CSMD3: variants seen among roughly 807,000 people sequenced by gnomAD.
The protein encoded by CSMD3 is CUB and Sushi multiple domains 3.
CSMD3 carries 177 observed loss-of-function variants against 435.2 expected under a neutral mutation model. That is an observed-to-expected ratio of 0.41 (90% CI 0.36 to 0.46). CSMD3 has a LOEUF of 0.46. Among genes scored for constraint, CSMD3 ranks in the 20% least tolerant of loss-of-function variants. The pLI, the probability that CSMD3 is intolerant of heterozygous loss-of-function variation, is 0.34. For synonymous variants in CSMD3, 1,656 were observed against 1,520.5 expected (o/e 1.09, Z -2.07); for missense variants, 4,265 against 4,504.6 (o/e 0.95, Z 1.52).
At chr8:112,647,393 C>A (rs571687594) in intron 19 of CSMD3, among the ~76,000 whole-genome samples, 1 of 151,992 alleles carries the variant, frequency 6.6e-6, no homozygotes, top group African/African-American at 2.4e-5. Context: ...GCTCCGCCCC[C>A]CGGGTTCACG....
intron 3 of CSMD3, among the ~76,000 whole-genome samples, chr8:113,189,275 C>T (rs2092551664): frequency 6.6e-6 from 1 of 151,874 alleles, no homozygotes; most frequent in Admixed American, 6.6e-5. Flanking sequence ...CTAATTGAAA[C>T]CAATTATGAC....
At chr8:113,255,189 A>C (rs1221701268) in intron 3 of CSMD3, among the ~76,000 whole-genome samples, 2 of 152,148 alleles carry the variant, frequency 1.3e-5, no homozygotes, top group Non-Finnish European at 2.9e-5. Flanking sequence ...TAAATATAAA[A>C]TTGGATGTTT....
intron 63 of CSMD3, 137 bp downstream of exon 63, chr8:112,254,116 G>A (rs1240581571): frequency 6.0e-6 from 4 of 670,256 alleles, no homozygotes; most frequent in African/African-American, 1.8e-5. Context: ...CTCTTTTGCT[G>A]TCTGTTACCC....
Position 112,311,154 on chromosome 8 carries a change from C to T in CSMD3, c.7709G>A (p.Ser2570Asn), listed in dbSNP as rs2130815363. Residue 2570 changes from serine to asparagine, a missense_variant, in exon 50 of 71, where the codon AGT (serine) becomes AAT (asparagine). This residue lies in a region of CSMD3 where 3,255 missense variants were observed against 3,380.2 expected (regional missense o/e 0.96). Coordinates refer to ENST00000297405, the MANE Select transcript of CSMD3 (RefSeq NM_198123.2). ...FRIRYIAFYC[S>N]TPESPPHGYI... ...TCCATGAGGTGGGGATTCTGGTGTA[C>T]TACAGTAGAAAGCTTTTCAAAAGAA... is the stretch of plus-strand genomic sequence containing the variant. 5 of 1,612,680 alleles carry T rather than the reference C, an allele frequency of 3.1e-6. No individual in the cohort carries two copies. Among genetic ancestry groups the T allele is most frequent in the Non-Finnish European group, 1.7e-6 (2 of 1,179,100 alleles).
At chr8:112,908,294 A>G (rs2082317121) in intron 10 of CSMD3, among the ~76,000 whole-genome samples, 1 of 151,494 alleles carries the variant, frequency 6.6e-6, no homozygotes, top group Non-Finnish European at 1.5e-5. Flanking sequence ...CTTTAAAATC[A>G]TAGACCCTCA....
chr8:112,686,109 T>C (rs2076005487), intron 14 of CSMD3, among the ~76,000 whole-genome samples: 3 of 152,162 alleles, frequency 2.0e-5, no homozygotes, highest in Admixed American at 2.0e-4. Context: ...AAAAATATTA[T>C]GTGGATATTA....
At chr8:112,694,054 T>C (rs7012706) in intron 13 of CSMD3, among the ~76,000 whole-genome samples, 48,579 of 122,112 alleles carry the variant, frequency 0.4, 8,413 homozygotes, top group African/African-American at 0.55. Flanking sequence ...TATTGTTTCA[T>C]AGTCTTCTTT....
At chr8:112,598,950 T>C (rs1423405282) in intron 22 of CSMD3, among the ~76,000 whole-genome samples, 2 of 151,192 alleles carry the variant, frequency 1.3e-5, no homozygotes, top group African/African-American at 2.4e-5. Context: ...ATTCAGGACA[T>C]AGGCATGGGC....
At chr8:112,264,889 G>A (rs1271716412) in intron 60 of CSMD3, among the ~76,000 whole-genome samples, 1 of 151,958 alleles carries the variant, frequency 6.6e-6, no homozygotes, top group Non-Finnish European at 1.5e-5. Flanking sequence ...AAAACAAACA[G>A]CATAAAGTAG....
At chr8:112,315,227 T>A (rs1336506295) in intron 47 of CSMD3, among the ~76,000 whole-genome samples, 1 of 151,904 alleles carries the variant, frequency 6.6e-6, no homozygotes, top group Non-Finnish European at 1.5e-5. Context: ...TTTAATAATA[T>A]ACCTCTGCTT....
chr8:113,195,400 AT>A (rs2092639888), intron 3 of CSMD3, among the ~76,000 whole-genome samples: 1 of 151,050 alleles, frequency 6.6e-6, no homozygotes, highest in Non-Finnish European at 1.5e-5. Context: ...TTCAAATGGA[AT>A]TGGTAGGCTA....
At chr8:113,225,795 C>T (rs1407596860) in intron 3 of CSMD3, among the ~76,000 whole-genome samples, 5 of 151,374 alleles carry the variant, frequency 3.3e-5, no homozygotes, top group Non-Finnish European at 1.5e-5. Flanking sequence ...TTTCTTTAAT[C>T]AGGTTAGTGT....
intron 38 of CSMD3, among the ~76,000 whole-genome samples, chr8:112,361,415 C>T (rs1364123071): frequency 2.6e-5 from 4 of 151,304 alleles, no homozygotes; most frequent in African/African-American, 9.7e-5. Flanking sequence ...CTTCACATTA[C>T]TAATATTTAT....
intron 1 of CSMD3, among the ~76,000 whole-genome samples, chr8:113,399,087 A>G (rs2094497117): frequency 1.4e-5 from 1 of 70,374 alleles, no homozygotes; most frequent in Non-Finnish European, 2.5e-5. Context: ...TCATATATAT[A>G]TATATATATA....
chr8:112,354,451 T>A (rs1221436457), intron 38 of CSMD3, among the ~76,000 whole-genome samples: 1 of 152,152 alleles, frequency 6.6e-6, no homozygotes, highest in Non-Finnish European at 1.5e-5. Flanking sequence ...TGGAAGACCA[T>A]AAAGAATCTG....
intron 4 of CSMD3, among the ~76,000 whole-genome samples, chr8:113,167,401 A>G (rs1274150659): frequency 6.6e-6 from 1 of 152,194 alleles, no homozygotes; most frequent in East Asian, 1.9e-4. Flanking sequence ...AGTTTTTGAC[A>G]TAAGAAATAA....
intron 20 of CSMD3, among the ~76,000 whole-genome samples, chr8:112,644,067 A>C (rs1270972451): frequency 6.6e-6 from 1 of 151,652 alleles, no homozygotes; most frequent in Non-Finnish European, 1.5e-5. Flanking sequence ...ATAATACATC[A>C]ACAGAGCTAA....
chr8:113,344,917 C>T (rs979168725), intron 1 of CSMD3, among the ~76,000 whole-genome samples: 1 of 152,030 alleles, frequency 6.6e-6, no homozygotes, highest in Non-Finnish European at 1.5e-5. Flanking sequence ...CACTTTACAA[C>T]TTCCAAAATT....
At chr8:113,131,616 G>C (rs1301712671) in intron 4 of CSMD3, among the ~76,000 whole-genome samples, 1 of 152,124 alleles carries the variant, frequency 6.6e-6, no homozygotes, top group East Asian at 1.9e-4. Context: ...AGACCTCATG[G>C]AGAACCTCCG....
Sources: gnomAD v4.1 joint callset for allele counts (sites outside exome capture counted in the v4.1 genomes callset) on GRCh38, gnomAD v4.1.1 for gene constraint, gnomAD v4.1.1 regional missense constraint, MANE v1.5 for transcripts, NCBI Gene and HGNC (gene_info 2026-07-23, HGNC 2026-07-21) for gene names.